The following PSG9 variants were observed in gnomAD, a reference collection of about 807,000 sequenced individuals.
PSG9 encodes the protein pregnancy specific beta-1-glycoprotein 9, also known as pregnancy-specific beta-1-glycoprotein 9.
PSG9 carries 49 observed loss-of-function variants against 41.9 expected under a neutral mutation model. That is an observed-to-expected ratio of 1.17 (90% CI 0.93 to 1.48). The LOEUF is 1.48. PSG9 is among the 40% of genes most tolerant of loss of function. PSG9 has a pLI of 0.00. For missense variants in PSG9, 641 were observed against 520.3 expected, an observed-to-expected ratio of 1.23 and a Z score of -2.26; for synonymous variants, 263 against 196.8, an observed-to-expected ratio of 1.34 and a Z score of -2.82.
chr19:43,261,194 G>T (rs571680699), intron 3 of PSG9, among the ~76,000 whole-genome samples: 1 of 152,224 alleles, frequency 6.6e-6, no homozygotes, highest in South Asian at 2.1e-4. Context: ...CAGTGCTCCA[G>T]GGACCCACTT....
rs567473408 is a variant in PSG9, at chr19:43,263,508, G to C, written c.431-1370C>G. Reference sequence around the variant, plus strand: ...TTCAGATTGTGGATTTCTGGATTTGGGATGCTCAATTTGTTATACTGTAAT... The same window carrying C: ...TTCAGATTGTGGATTTCTGGATTTGCGATGCTCAATTTGTTATACTGTAAT... On this transcript the variant is annotated intron_variant, in intron 2 of 5. Transcript: ENST00000270077. Among the ~76,000 whole-genome samples, 7 of 151,952 alleles carry C rather than the reference G, an allele frequency of 4.6e-5. No homozygotes were observed. In the South Asian group the frequency reaches 8.3e-4, roughly 18 times the overall value.
chr19:43,263,542 A>C (rs537822257), intron 2 of PSG9, among the ~76,000 whole-genome samples: 1 of 152,094 alleles, frequency 6.6e-6, no homozygotes, highest in Admixed American at 6.5e-5. Context: ...ATTTTCCCAT[A>C]AAAAGTTGTC....
At position 43,253,610 on chromosome 19, in the gene PSG9, C is replaced by T. The variant is rs1177340893; in HGVS notation, c.1280G>A (p.Ter427=). 2.3e-6 allele frequency: 2 copies of T among 866,122 alleles called. No individual in the cohort carries two copies. The highest frequency in any genetic ancestry group is 3.8e-6 in the Non-Finnish European group (2 of 521,838). The allele number at this position is 866,122 out of a possible 1,614,324, so 53.7% of individuals were successfully genotyped here. A position where few individuals can be genotyped will look rare whatever the true frequency, so the allele number is the denominator to read the frequency against. The change falls in exon 6 of 6, where the codon TGA becomes TAA. Residue 427 remains the stop codon, a stop_retained_variant. Coordinates refer to ENST00000270077, the MANE Select transcript of PSG9 (RefSeq NM_002784.5). ...TTCTCAGTGTCTCAGTTGTTGCAGT[C>T]ATGACTGAGACTCTGTCAGGTCTCC... ...CHGDLTESQS[*]
chr19:43,269,472 C>A lies in PSG9; in HGVS notation c.-41G>T. 1 of 1,611,554 alleles carries A rather than the reference C, an allele frequency of 6.2e-7. No individual in the cohort carries two copies. Among genetic ancestry groups the A allele is most frequent in the South Asian group, 1.1e-5 (1 of 90,948 alleles). Reference sequence around the variant, plus strand: ...TGTGTTCTCCTCTGTGGAGATGAGCCTGGGATCCAGAAGCTGTCTGAGCAC... The same window carrying A: ...TGTGTTCTCCTCTGTGGAGATGAGCATGGGATCCAGAAGCTGTCTGAGCAC... On this transcript the variant is annotated 5_prime_UTR_variant, in exon 1 of 6. In the 5' UTR this introduces an upstream ATG that the reference lacks. Transcript: ENST00000270077.
In PSG9 at chr19:43,268,024, C is replaced by A. The variant is rs908598355; in HGVS notation, c.190G>T (p.Gly64Cys). The stretch of plus-strand genomic sequence containing the variant: ...ATTTCCCCTTTGTACCAGAAGTAGC[C>A]AGGAAGATTCTGGGGCAAATTGTGG... ...LVHNLPQNLP[G>C]YFWYKGEMTD... The change falls in exon 2 of 6, where the codon GGC becomes TGC. Residue 64 changes from glycine (G) to cysteine (C), a missense_variant. Gly to Cys is a radical substitution (Grantham distance 159, BLOSUM62 -3). Coordinates refer to ENST00000270077, the MANE Select transcript of PSG9 (RefSeq NM_002784.5). 2 of 1,613,650 alleles carry A rather than the reference C, an allele frequency of 1.2e-6. No individual in the cohort carries two copies. The highest frequency in any genetic ancestry group is 2.7e-5 in the African/African-American group (2 of 74,796).
At position 43,258,963 on chromosome 19, in the gene PSG9, T is replaced by A. The variant is rs112446629; in HGVS notation, c.882A>T (p.Ile294=). ...TTCTCGTGACACTGGGTAGAATGAG[T>A]ATCCTGTTTTCAATGGGTCGCTTTA... is the stretch of plus-strand genomic sequence containing the variant. ...PGVKRPIENR[I]LILPSVTRNE... is the part of the protein sequence containing the mutation. The change falls in exon 4 of 6, where the codon ATA becomes ATT. Residue 294 remains isoleucine, a synonymous_variant. Transcript: ENST00000270077. The A allele has an allele frequency of 6.3e-7, 1 of 1,589,902 alleles. No individual in the cohort carries two copies. The highest frequency in any genetic ancestry group is 8.5e-7 in the Non-Finnish European group (1 of 1,174,310).
In PSG9 at chr19:43,268,921, G is replaced by A. The variant is rs529696510; in HGVS notation, c.64+447C>T. ...GATTTTCCTACCTCTTACCAATTCC[G>A]GTTCAATGTGACTTTCCTCTTTTGA... On this transcript the variant is annotated intron_variant, in intron 1 of 5. Transcript: ENST00000270077. Among the ~76,000 whole-genome samples the A allele has an allele frequency of 7.0e-4, 107 of 152,198 alleles. 1 individual carries two copies. Among genetic ancestry groups the A allele is most frequent in the African/African-American group, 2.4e-3 (100 of 41,518 alleles).
intron 3 of PSG9, among the ~76,000 whole-genome samples, chr19:43,261,637 G>T (rs1243167451): frequency 6.6e-6 from 1 of 152,104 alleles, no homozygotes; most frequent in African/African-American, 2.4e-5. Flanking sequence ...CCCATCACAA[G>T]CTGTGGACCC....
In PSG9 at chr19:43,268,018, A is replaced by T. The variant is rs1380993232; in HGVS notation, c.196T>A (p.Phe66Ile). The T allele has an allele frequency of 6.2e-7, 1 of 1,613,806 alleles. No homozygotes were observed. Among genetic ancestry groups the T allele is most frequent in the African/African-American group, 1.3e-5 (1 of 74,850 alleles). The part of the protein sequence containing the change: ...HNLPQNLPGY[F>I]WYKGEMTDLY... ...TCCGTCATTTCCCCTTTGTACCAGA[A>T]GTAGCCAGGAAGATTCTGGGGCAAA... Residue 66 changes from phenylalanine to isoleucine, a missense_variant, in exon 2 of 6, where the codon TTC becomes ATC. Physicochemically the swap from Phe to Ile is conservative, Grantham distance 21 (BLOSUM62 0). Transcript: ENST00000270077.
chr19:43,266,986 G>T (rs1689556565), intron 2 of PSG9, among the ~76,000 whole-genome samples: 1 of 152,162 alleles, frequency 6.6e-6, no homozygotes, highest in African/African-American at 2.4e-5. Context: ...CACAGTGGAG[G>T]TTTCACACAA....
chr19:43,268,903 C>T (rs1969113408), intron 1 of PSG9, among the ~76,000 whole-genome samples: 1 of 152,190 alleles, frequency 6.6e-6, no homozygotes, highest in African/African-American at 2.4e-5. Flanking sequence ...TAAGATTTTC[C>T]TACCTCTTAC....
chr19:43,255,284 G>C (rs1482668316), intron 5 of PSG9, among the ~76,000 whole-genome samples: 1 of 146,148 alleles, frequency 6.8e-6, no homozygotes, highest in Non-Finnish European at 1.5e-5. Context: ...TCAGTAATAA[G>C]ATTGAATCAA....
rs139112151 is a variant in PSG9 at position 43,258,908 on chromosome 19, G to T, written c.937C>A (p.Arg313=). The T allele has an allele frequency of 2.8e-4, 437 of 1,588,606 alleles. 66 individuals are homozygous for T. In the East Asian group the frequency reaches 5.3e-3, roughly 19 times the overall value. ...NETGPYQCEI[R]DRYGGLRSNP... is the part of the protein sequence containing the mutation. ...CTGCGGAGGCCACCATATCGGTCCC[G>T]TATTTCACATTGATAGGGTCCTGTT... Residue 313 remains arginine (R), a synonymous_variant, in exon 4 of 6, where the codon CGG becomes AGG. Coordinates refer to ENST00000270077, the MANE Select transcript of PSG9 (RefSeq NM_002784.5).
chr19:43,254,914 G>A (rs1412910203), intron 5 of PSG9, among the ~76,000 whole-genome samples: 1 of 131,944 alleles, frequency 7.6e-6, no homozygotes, highest in Non-Finnish European at 1.6e-5. Context: ...CTGGGGAGAT[G>A]CTGTCTCTAC....
Position 43,267,868 on chromosome 19 carries a change from C to G in PSG9, c.346G>C (p.Asp116His). The G allele has an allele frequency of 6.2e-7, 1 of 1,613,784 alleles. No homozygotes were observed. Among genetic ancestry groups the G allele is most frequent in the East Asian group, 2.2e-5 (1 of 44,864 alleles). The change falls in exon 2 of 6, where the codon GAT (aspartate) becomes CAT (histidine). Residue 116 changes from aspartate to histidine, a missense_variant. Physicochemically the swap from Asp to His is moderately conservative, Grantham distance 81 (BLOSUM62 -1). Transcript: ENST00000270077. ...SLLIQNVTRK[D>H]AGTYTLHIIK... ...ATGTGTAAGGTGTAGGTTCCTGCAT[C>G]CTTCCGGGTGACATTCTGGATCAGC...
intron 3 of PSG9, among the ~76,000 whole-genome samples, chr19:43,261,479 T>A (rs1289818905): frequency 2.6e-5 from 4 of 152,184 alleles, no homozygotes; most frequent in African/African-American, 7.2e-5. Context: ...AAGAGAATAA[T>A]GTCACAAGCG....
In PSG9 at chr19:43,253,595, C is replaced by G. The variant is rs535217456; in HGVS notation, c.*14G>C. On this transcript the variant is annotated 3_prime_UTR_variant, in exon 6 of 6. Transcript: ENST00000270077. The stretch of plus-strand genomic sequence containing the variant: ...ATCAGCCTGTTCTTTTTCTCAGTGT[C>G]TCAGTTGTTGCAGTCATGACTGAGA... 1.1e-4 allele frequency: 89 copies of G among 788,674 alleles called. 5 individuals carry two copies. Among genetic ancestry groups the G allele is most frequent in the Middle Eastern group, 6.8e-4 (3 of 4,398 alleles). 48.9% of individuals were successfully genotyped at this position (788,674 alleles called of 1,614,324 possible). A position where few individuals can be genotyped will look rare whatever the true frequency, so the allele number is the denominator to read the frequency against.
intron 5 of PSG9, among the ~76,000 whole-genome samples, chr19:43,256,578 C>T (rs1208552838): frequency 6.8e-6 from 1 of 146,142 alleles, no homozygotes. Flanking sequence ...TCCAATAAGC[C>T]CATGCAAAGT....
chr19:43,269,491 T>A lies in PSG9; in HGVS notation c.-60A>T, dbSNP rs942546312. The stretch of plus-strand genomic sequence containing the variant: ...ATGAGCCTGGGATCCAGAAGCTGTC[T>A]GAGCACGGCTGTCAGCTGTGCTGTC... On this transcript the variant is annotated 5_prime_UTR_variant, in exon 1 of 6. Transcript: ENST00000270077. 6.2e-7 allele frequency: 1 copy of A among 1,603,508 alleles called. No individual in the cohort carries two copies. The highest frequency in any genetic ancestry group is 8.5e-7 in the Non-Finnish European group (1 of 1,172,356).
Sources: gnomAD v4.1 joint callset for allele counts (sites outside exome capture counted in the v4.1 genomes callset) on GRCh38, gnomAD v4.1.1 for gene constraint, MANE v1.5 for transcripts, NCBI Gene and HGNC (gene_info 2026-07-23, HGNC 2026-07-21) for gene names.